The following ANKFN1 variants were observed in gnomAD, a reference collection of about 807,000 sequenced individuals.
The protein encoded by ANKFN1 is ankyrin repeat and fibronectin type III domain containing 1, also known as ankyrin repeat and fibronectin type-III domain-containing protein 1.
Under a neutral mutation model 108.7 loss-of-function variants are expected in ANKFN1, and 74 were observed. The ratio of observed to expected loss-of-function variants is 0.68; its 90% CI spans 0.56 to 0.83. The LOEUF (loss-of-function observed/expected upper bound fraction) is 0.83. ANKFN1 is among the 40% of genes least tolerant of loss of function. The probability of loss-of-function intolerance (pLI) is 0.00; values close to 1 mark genes in which losing one functional copy is unlikely to be tolerated. For synonymous variants in ANKFN1, 547 were observed against 516.2 expected, an observed-to-expected ratio of 1.06 and a Z score of -0.81; for missense variants, 1,505 against 1,382.3, an observed-to-expected ratio of 1.09 and a Z score of -1.41.
chr17:56,081,520 T>TTTTTGTA (rs1275395980), intron 4 of ANKFN1, among the ~76,000 whole-genome samples: 29 of 151,842 alleles, frequency 1.9e-4, no homozygotes, highest in African/African-American at 5.8e-4. Context: ...GCCCAGGTAA[T>TTTTTGTA]TTTTGTATTT....
intron 8 of ANKFN1, among the ~76,000 whole-genome samples, chr17:56,375,895 C>T (rs1392909925): frequency 6.6e-6 from 1 of 152,154 alleles, no homozygotes; most frequent in African/African-American, 2.4e-5. Flanking sequence ...GATGGAAAAA[C>T]AGAGGCAATG....
intron 2 of ANKFN1, among the ~76,000 whole-genome samples, chr17:56,225,394 A>G (rs1916193060): frequency 1.3e-5 from 2 of 152,194 alleles, no homozygotes; most frequent in South Asian, 4.1e-4. Context: ...ATGCTTCCCC[A>G]AATTAGACTT....
At chr17:56,125,432 C>T (rs1898495644) in intron 4 of ANKFN1, among the ~76,000 whole-genome samples, 1 of 152,126 alleles carries the variant, frequency 6.6e-6, no homozygotes, top group Admixed American at 6.5e-5. Context: ...GGAGAAGACT[C>T]CCTGAAGGTC....
intron 1 of ANKFN1, among the ~76,000 whole-genome samples, chr17:56,183,488 C>T (rs1410201959): frequency 6.6e-6 from 1 of 152,114 alleles, no homozygotes; most frequent in East Asian, 1.9e-4. Context: ...GCTTAGCATC[C>T]CTTGGTAATG....
At chr17:56,336,531 G>T (rs1266560051) in intron 4 of ANKFN1, among the ~76,000 whole-genome samples, 1 of 152,064 alleles carries the variant, frequency 6.6e-6, no homozygotes, top group African/African-American at 2.4e-5. Context: ...ATTCTCTGAT[G>T]GTAGTTTGTA....
At chr17:56,365,827 G>T (rs912442140) in intron 6 of ANKFN1, among the ~76,000 whole-genome samples, 1 of 152,194 alleles carries the variant, frequency 6.6e-6, no homozygotes, top group African/African-American at 2.4e-5. Context: ...ATACAGTTAT[G>T]TACAGGACAC....
chr17:56,188,575 G>GTATATATATA lies in ANKFN1; in HGVS notation c.-70-24022_-70-24021insATATATATAT, dbSNP rs1315546547. Among the ~76,000 whole-genome samples, 8 of 88,200 alleles carry GTATATATATA rather than the reference G, an allele frequency of 9.1e-5. 1 individual carries two copies. The highest frequency in any genetic ancestry group is 3.4e-4 in the African/African-American group (6 of 17,724). 57.9% of individuals were successfully genotyped at this position (88,200 alleles called of 152,430 possible). ...TGTGTGTGTGTGTATGTGTGTGTGT[G>GTATATATATA]TGTGTGTATATATATATATATATAT... On this transcript the variant is annotated intron_variant, in intron 1 of 20. Transcript: ENST00000682825.
chr17:56,101,680 G>C (rs1156912919), intron 4 of ANKFN1, among the ~76,000 whole-genome samples: 1 of 152,188 alleles, frequency 6.6e-6, no homozygotes, highest in South Asian at 2.1e-4. Context: ...TTTGGATCTA[G>C]TCAAATTTGT....
intron 8 of ANKFN1, among the ~76,000 whole-genome samples, chr17:56,418,853 GGAACT>G (rs1257761710): frequency 6.6e-6 from 1 of 151,770 alleles, no homozygotes; most frequent in Non-Finnish European, 1.5e-5. Context: ...GCCTAGGCTA[GGAACT>G]TCAGGGGTTA....
At chr17:56,368,208 A>C (rs1015836428) in intron 6 of ANKFN1, 1 of 1,296,146 alleles carries the variant, frequency 7.7e-7, no homozygotes, top group Non-Finnish European at 1.0e-6. Context: ...AAATTACAAA[A>C]GTCTGAAATT....
chr17:56,299,706 C>A (rs923425496), intron 3 of ANKFN1, among the ~76,000 whole-genome samples: 1 of 152,056 alleles, frequency 6.6e-6, no homozygotes, highest in Non-Finnish European at 1.5e-5. Flanking sequence ...AGCAGAGACC[C>A]CTGAGAGTTG....
chr17:56,290,159 G>C (rs2044322014), intron 3 of ANKFN1, among the ~76,000 whole-genome samples: 1 of 151,638 alleles, frequency 6.6e-6, no homozygotes, highest in Non-Finnish European at 1.5e-5. Context: ...CTCATTCCTT[G>C]CTCCCTTTTT....
intron 4 of ANKFN1, among the ~76,000 whole-genome samples, chr17:56,091,418 T>TCACA (rs34588908): frequency 0.11 from 14,940 of 136,798 alleles, 1,097 homozygotes; most frequent in Non-Finnish European, 0.13. Context: ...TCCAAACAAA[T>TCACA]CACACACACA....
At chr17:56,129,818 A>G (rs1398344754) in intron 4 of ANKFN1, among the ~76,000 whole-genome samples, 1 of 152,226 alleles carries the variant, frequency 6.6e-6, no homozygotes, top group Non-Finnish European at 1.5e-5. Flanking sequence ...GTGTCCTTCC[A>G]ATATGGTTAG....
rs115232865 is a variant in ANKFN1, at chr17:56,334,434, T to C, written c.188+8079T>C. On this transcript the variant is annotated intron_variant, in intron 4 of 20. Coordinates refer to ENST00000682825, the MANE Select transcript of ANKFN1 (RefSeq NM_001370326.1). ...AAATGGTTTCATGAGTGAACACTTA[T>C]GTCAAAGCTAATCAAATTGTACTTT... Among the ~76,000 whole-genome samples the C allele has an allele frequency of 5.0e-3, 757 of 152,272 alleles. 4 individuals carry two copies. The highest frequency in any genetic ancestry group is 0.016 in the African/African-American group (685 of 41,562).
chr17:56,085,707 C>A (rs1393594515), intron 4 of ANKFN1, among the ~76,000 whole-genome samples: 1 of 151,236 alleles, frequency 6.6e-6, no homozygotes, highest in Non-Finnish European at 1.5e-5. Flanking sequence ...GAAGCAGCAA[C>A]ACCATTTGGT....
intron 4 of ANKFN1, among the ~76,000 whole-genome samples, chr17:56,069,328 G>A (rs1905095101): frequency 6.6e-6 from 1 of 152,102 alleles, no homozygotes; most frequent in South Asian, 2.1e-4. Context: ...GAGTGTCTGG[G>A]GTACAGCGCG....
intron 3 of ANKFN1, among the ~76,000 whole-genome samples, chr17:56,321,370 T>G (rs1009214208): frequency 6.6e-6 from 1 of 151,368 alleles, no homozygotes; most frequent in African/African-American, 2.4e-5. Flanking sequence ...GGAACGGAAG[T>G]AGGCTGGCCA....
intron 1 of ANKFN1, among the ~76,000 whole-genome samples, chr17:56,184,598 T>A (rs1912011617): frequency 6.6e-6 from 1 of 152,170 alleles, no homozygotes; most frequent in Admixed American, 6.5e-5. Flanking sequence ...AACTTTGATT[T>A]TGATATTCAA....
Sources: gnomAD v4.1 joint callset for allele counts (sites outside exome capture counted in the v4.1 genomes callset) on GRCh38, gnomAD v4.1.1 for gene constraint, MANE v1.5 for transcripts, NCBI Gene and HGNC (gene_info 2026-07-23, HGNC 2026-07-21) for gene names.